The following ANO4 variants were observed in gnomAD, a reference collection of about 807,000 sequenced individuals.
The protein encoded by ANO4 is anoctamin 4.
ANO4 carries 69 observed loss-of-function variants against 141.9 expected under a neutral mutation model. The ratio of observed to expected loss-of-function variants is 0.49; its 90% CI spans 0.40 to 0.59. The LOEUF is 0.59. Ranked by LOEUF, ANO4 falls within the 20% of genes least tolerant of loss-of-function variation. The pLI, the probability that ANO4 is intolerant of heterozygous loss-of-function variation, is 0.00. For synonymous variants in ANO4, 350 were observed against 394.3 expected (o/e 0.89, Z 1.33); for missense variants, 894 against 1,162.2 (o/e 0.77, Z 3.36).
intron 14 of ANO4, chr12:101,069,223 C>T: frequency 1.6e-6 from 2 of 1,259,654 alleles, no homozygotes; most frequent in Non-Finnish European, 2.3e-6. Context: ...TTGACTTGTT[C>T]AAGAATAACT....
intron 5 of ANO4, among the ~76,000 whole-genome samples, chr12:100,944,984 T>C (rs1372709142): frequency 6.6e-6 from 1 of 152,172 alleles, no homozygotes; most frequent in Non-Finnish European, 1.5e-5. Context: ...CGATTTCAGC[T>C]TCCAGGAGTT....
intron 9 of ANO4, among the ~76,000 whole-genome samples, chr12:101,025,905 A>G (rs1004601035): frequency 6.6e-5 from 10 of 152,218 alleles, no homozygotes; most frequent in Admixed American, 3.9e-4. Context: ...TCAGCAAACT[A>G]CTAATAGAAA....
chr12:100,884,111 G>A (rs1461877167), intron 1 of ANO4, among the ~76,000 whole-genome samples: 1 of 152,118 alleles, frequency 6.6e-6, no homozygotes, highest in Non-Finnish European at 1.5e-5. Context: ...CCATTTCAAA[G>A]TTCATGCAAT....
chr12:100,900,189 C>T (rs2040526219), intron 1 of ANO4, among the ~76,000 whole-genome samples: 1 of 152,002 alleles, frequency 6.6e-6, no homozygotes, highest in Admixed American at 6.6e-5. Context: ...AGCCTACTTC[C>T]AGCCTTTCTC....
At chr12:100,770,165 A>G (rs983880886) in intron 3 of ANO4, among the ~76,000 whole-genome samples, 3 of 152,184 alleles carry the variant, frequency 2.0e-5, no homozygotes, top group African/African-American at 7.2e-5. Context: ...CAGTTATAGA[A>G]TGTTTTAGCC....
chr12:101,055,250 A>C (rs1298059839), intron 14 of ANO4, among the ~76,000 whole-genome samples: 2 of 152,232 alleles, frequency 1.3e-5, no homozygotes, highest in African/African-American at 4.8e-5. Flanking sequence ...ACTTAGTAAG[A>C]AATTGTTTCC....
intron 25 of ANO4, among the ~76,000 whole-genome samples, chr12:101,118,099 T>G (rs964930874): frequency 2.0e-5 from 3 of 152,146 alleles, no homozygotes; most frequent in Non-Finnish European, 2.9e-5. Context: ...CAATTGATAC[T>G]TTCTTCAGTA....
chr12:101,020,967 T>A (rs2046499441), intron 9 of ANO4, among the ~76,000 whole-genome samples: 1 of 152,146 alleles, frequency 6.6e-6, no homozygotes, highest in African/African-American at 2.4e-5. Flanking sequence ...AAGTTTTATA[T>A]AAATAATTAA....
intron 17 of ANO4, among the ~76,000 whole-genome samples, chr12:101,093,359 T>A (rs2049854732): frequency 6.6e-6 from 1 of 152,162 alleles, no homozygotes. Flanking sequence ...GAAGAAGAGA[T>A]AAGGAACTTG....
chr12:100,981,722 G>T lies in ANO4; in HGVS notation c.603-5817G>T, dbSNP rs551304168. On this transcript the variant is annotated intron_variant, in intron 7 of 27. Coordinates refer to ENST00000392977, the MANE Select transcript of ANO4 (RefSeq NM_001286615.2). ...GGGTTGTTAGTGGCTCAAGGGAAAT[G>T]ACCTTTCTTCTACTTCCTCAGGCTA... 7.9e-5 allele frequency among the ~76,000 whole-genome samples: 12 copies of T among 152,308 alleles called. No homozygotes were observed. The South Asian group carries it at 2.5e-3, about 32-fold the overall frequency.
At chr12:100,796,632 A>G (rs1479365624) in intron 1 of ANO4, among the ~76,000 whole-genome samples, 1 of 152,160 alleles carries the variant, frequency 6.6e-6, no homozygotes. Context: ...ACAGCAAAAA[A>G]AAAAAAAATT....
intron 3 of ANO4, among the ~76,000 whole-genome samples, chr12:100,748,812 G>T (rs916818020): frequency 5.9e-5 from 9 of 151,888 alleles, no homozygotes; most frequent in African/African-American, 2.4e-5. Context: ...TAAAAAATGG[G>T]ATGTCATCTT....
intron 3 of ANO4, among the ~76,000 whole-genome samples, chr12:100,934,904 G>A (rs1385103702): frequency 2.0e-5 from 3 of 152,158 alleles, no homozygotes; most frequent in Admixed American, 6.5e-5. Context: ...TCTGTTAATG[G>A]TGTATAGGAA....
At chr12:100,802,881 TCTCTC>T (rs1487053713) in intron 1 of ANO4, among the ~76,000 whole-genome samples, 1 of 152,230 alleles carries the variant, frequency 6.6e-6, no homozygotes, top group African/African-American at 2.4e-5. Context: ...GTTATTTTCT[TCTCTC>T]CACTCATTGT....
rs59985012 is a variant in ANO4, at chr12:100,847,475, A to ATTTTTTT, written c.-141+52456_-141+52462dup. ...AACACCTCAAATGGTGGCCAAGATA[A>ATTTTTTT]TTTTTTTTTTTTTTGAGGTGGAGTC... On this transcript the variant is annotated intron_variant, in intron 1 of 27. Transcript: ENST00000392977. 6.5e-4 allele frequency among the ~76,000 whole-genome samples: 89 copies of ATTTTTTT among 136,880 alleles called. 8 individuals carry two copies. The highest frequency in any genetic ancestry group is 1.0e-3 in the Non-Finnish European group (67 of 65,162). The allele number at this position is 136,880 out of a possible 152,430, so 89.8% of individuals were successfully genotyped here.
intron 8 of ANO4, among the ~76,000 whole-genome samples, chr12:100,997,672 T>C (rs548733612): frequency 6.6e-6 from 1 of 152,164 alleles, no homozygotes; most frequent in South Asian, 2.1e-4. Flanking sequence ...AAAATTGGCC[T>C]TTACACCAAA....
At chr12:101,046,268 G>A (rs191500251) in intron 13 of ANO4, among the ~76,000 whole-genome samples, 36 of 151,904 alleles carry the variant, frequency 2.4e-4, no homozygotes, top group Admixed American at 2.2e-3. Flanking sequence ...AGCTATCCAG[G>A]TAGCACCTGC....
intron 1 of ANO4, among the ~76,000 whole-genome samples, chr12:100,833,565 A>G (rs1027809873): frequency 1.3e-5 from 2 of 151,974 alleles, no homozygotes; most frequent in Non-Finnish European, 2.9e-5. Context: ...CACCCCTCCA[A>G]TTAAGAGGTT....
intron 14 of ANO4, among the ~76,000 whole-genome samples, chr12:101,051,223 G>A (rs142788106): frequency 6.6e-6 from 1 of 152,176 alleles, no homozygotes; most frequent in East Asian, 1.9e-4. Context: ...AACCTCAGCT[G>A]ATTGGTGCTG....
Sources: allele counts gnomAD v4.1 joint callset (sites outside exome capture counted in the v4.1 genomes callset), GRCh38; gene constraint gnomAD v4.1.1; transcripts MANE v1.5; gene names NCBI Gene and HGNC (gene_info 2026-07-23, HGNC 2026-07-21).